Variants in CSMD2 observed in about 807,000 individuals in gnomAD.
CSMD2 encodes the protein CUB and Sushi multiple domains 2.
In CSMD2, 130 loss-of-function variants were observed where a neutral mutation model predicts 398.5. The observed-to-expected ratio is 0.33, with a 90% confidence interval of 0.28 to 0.38. The LOEUF (loss-of-function observed/expected upper bound fraction) is 0.38. Ranked by LOEUF, CSMD2 falls within the 10% of genes least tolerant of loss-of-function variation. The pLI, the probability that CSMD2 is intolerant of heterozygous loss-of-function variation, is 1.00. For synonymous variants in CSMD2, 1,828 were observed against 1,908.5 expected, an observed-to-expected ratio of 0.96 and a Z score of 1.10; for missense variants, 3,829 against 4,764.9, an observed-to-expected ratio of 0.80 and a Z score of 5.78.
At chr1:33,691,091 G>C (rs1308931788) in intron 25 of CSMD2, among the ~76,000 whole-genome samples, 1 of 152,070 alleles carries the variant, frequency 6.6e-6, no homozygotes, top group Non-Finnish European at 1.5e-5. Context: ...CCAGAGGAAG[G>C]GCAGAGTAGA....
intron 5 of CSMD2, among the ~76,000 whole-genome samples, chr1:33,913,897 G>T (rs952892203): frequency 2.0e-5 from 3 of 152,078 alleles, no homozygotes; most frequent in African/African-American, 7.2e-5. Flanking sequence ...GGATCTAGTG[G>T]CTTCTCAGGG....
intron 3 of CSMD2, among the ~76,000 whole-genome samples, chr1:33,981,710 T>C (rs563955953): frequency 1.3e-5 from 2 of 152,194 alleles, no homozygotes; most frequent in African/African-American, 2.4e-5. Context: ...CTGCCAAGTA[T>C]GTAATCATAG....
intron 42 of CSMD2, among the ~76,000 whole-genome samples, chr1:33,602,835 T>A (rs544165542): frequency 6.6e-6 from 1 of 152,326 alleles, no homozygotes; most frequent in Non-Finnish European, 1.5e-5. Context: ...GAAGAAAGGA[T>A]GCCCTGAAGC....
chr1:34,143,496 A>G (rs1639492199), intron 1 of CSMD2, among the ~76,000 whole-genome samples: 1 of 152,072 alleles, frequency 6.6e-6, no homozygotes, highest in Non-Finnish European at 1.5e-5. Context: ...TGCTCACCAC[A>G]TTGCTTTTAA....
At chr1:33,804,355 T>C (rs912420679) in intron 10 of CSMD2, among the ~76,000 whole-genome samples, 1 of 152,246 alleles carries the variant, frequency 6.6e-6, no homozygotes, top group African/African-American at 2.4e-5. Flanking sequence ...CTTCCAGTTC[T>C]AAGGGGCTAT....
intron 13 of CSMD2, among the ~76,000 whole-genome samples, chr1:33,744,337 C>G (rs1006296402): frequency 6.6e-6 from 1 of 152,184 alleles, no homozygotes; most frequent in Non-Finnish European, 1.5e-5. Flanking sequence ...GGGATTCTGA[C>G]AACCCCAAGA....
chr1:33,981,451 C>A (rs1351129436), intron 3 of CSMD2, among the ~76,000 whole-genome samples: 1 of 152,218 alleles, frequency 6.6e-6, no homozygotes, highest in Non-Finnish European at 1.5e-5. Flanking sequence ...AACAACAAGA[C>A]TCATTACTAG....
At chr1:33,996,685 C>A (rs1461212173) in intron 3 of CSMD2, among the ~76,000 whole-genome samples, 1 of 151,696 alleles carries the variant, frequency 6.6e-6, no homozygotes, top group Non-Finnish European at 1.5e-5. Context: ...TTAGATAAAT[C>A]ATGGAATCAG....
intron 2 of CSMD2, among the ~76,000 whole-genome samples, chr1:34,080,978 T>G (rs906069622): frequency 3.4e-5 from 3 of 87,066 alleles, no homozygotes; most frequent in South Asian, 4.0e-4. Context: ...AAGAAAGAAA[T>G]GCACAGGAGC....
chr1:33,974,215 C>G (rs1645875397), intron 3 of CSMD2, among the ~76,000 whole-genome samples: 2 of 152,238 alleles, frequency 1.3e-5, no homozygotes, highest in South Asian at 4.1e-4. Flanking sequence ...ATACACAATG[C>G]AGCGGCTCAC....
At chr1:33,651,896 A>G (rs1023861890) in intron 28 of CSMD2, among the ~76,000 whole-genome samples, 1 of 152,006 alleles carries the variant, frequency 6.6e-6, no homozygotes, top group African/African-American at 2.4e-5. Flanking sequence ...CTGTAGCAGG[A>G]ATGGAAAAGC....
chr1:33,673,816 T>G (rs540624493), intron 25 of CSMD2, among the ~76,000 whole-genome samples: 1 of 152,130 alleles, frequency 6.6e-6, no homozygotes, highest in Non-Finnish European at 1.5e-5. Flanking sequence ...TCAACATTCT[T>G]AAAGAAAAGA....
At chr1:33,725,614 C>G in intron 16 of CSMD2, 78 bp from the exon 17 acceptor site, 3 of 1,346,496 alleles carry the variant, frequency 2.2e-6, no homozygotes, top group Non-Finnish European at 3.1e-6. Context: ...CCCTGCCTGA[C>G]CCAGGGCTTC....
chr1:34,064,601 G>A (rs761650724), intron 2 of CSMD2, among the ~76,000 whole-genome samples: 2 of 152,044 alleles, frequency 1.3e-5, no homozygotes, highest in Non-Finnish European at 2.9e-5. Context: ...CAAACCTCTA[G>A]GAGGTTCCAA....
At chr1:33,654,151 T>C in intron 27 of CSMD2, among the ~76,000 whole-genome samples, 1 of 152,124 alleles carries the variant, frequency 6.6e-6, no homozygotes. Context: ...CATGGGAAAA[T>C]ATATCCCAAG....
intron 1 of CSMD2, among the ~76,000 whole-genome samples, chr1:34,147,394 G>A (rs1337572097): frequency 1.3e-5 from 2 of 152,354 alleles, no homozygotes; most frequent in Non-Finnish European, 2.9e-5. Flanking sequence ...AAGAGGGGGA[G>A]GGGAGGGAGG....
At chr1:34,025,493 T>C (rs1003161562) in intron 3 of CSMD2, among the ~76,000 whole-genome samples, 3 of 152,188 alleles carry the variant, frequency 2.0e-5, no homozygotes, top group Non-Finnish European at 4.4e-5. Flanking sequence ...GCTGTTTTTT[T>C]AGGTGAACTA....
At chr1:33,607,901 T>G (rs140703338) in intron 41 of CSMD2, among the ~76,000 whole-genome samples, 2 of 152,142 alleles carry the variant, frequency 1.3e-5, no homozygotes, top group South Asian at 2.1e-4. Flanking sequence ...CAACTCCTGG[T>G]GGAGGAGCTG....
intron 19 of CSMD2, among the ~76,000 whole-genome samples, chr1:33,720,212 T>C (rs1229595080): frequency 1.3e-5 from 2 of 152,222 alleles, no homozygotes; most frequent in Non-Finnish European, 2.9e-5. Flanking sequence ...GAGTTCCTTA[T>C]GTGCCGGGCA....
Sources: allele counts gnomAD v4.1 joint callset (sites outside exome capture counted in the v4.1 genomes callset), GRCh38; gene constraint gnomAD v4.1.1; transcripts MANE v1.5; gene names NCBI Gene and HGNC (gene_info 2026-07-23, HGNC 2026-07-21).